Variants in PTPRQ observed in about 807,000 individuals in gnomAD.
PTPRQ encodes the protein protein tyrosine phosphatase receptor type Q.
In PTPRQ, 199 loss-of-function variants were observed where a neutral mutation model predicts 246.0. The observed-to-expected ratio is 0.81, with a 90% CI of 0.72 to 0.91. The LOEUF is 0.91. PTPRQ is among the 40% of genes least tolerant of loss of function. The pLI is 0.00. For synonymous variants in PTPRQ, 869 were observed against 853.2 expected (o/e 1.02, Z -0.32); for missense variants, 2,624 against 2,528.4 (o/e 1.04, Z -0.81).
rs1027357959 is a variant in PTPRQ at position 80,549,633 on chromosome 12, A to G, written c.4184A>G (p.Lys1395Arg). 106 of 1,551,084 alleles carry G rather than the reference A, an allele frequency of 6.8e-5. No individual in the cohort carries two copies. Among genetic ancestry groups the G allele is most frequent in the Admixed American group, 1.2e-4 (6 of 50,946 alleles). ...CAAGATCACATGTACACTTTCATAAAGCTTCTTGCCAATACCTCATATGTC... is the reference window on the plus strand; with the variant it reads ...CAAGATCACATGTACACTTTCATAAGGCTTCTTGCCAATACCTCATATGTC... ...SPQDHMYTFI[K>R]LLANTSYVFK... Residue 1395 changes from lysine to arginine, a missense_variant, in exon 25 of 45, where the codon AAG (lysine) becomes AGG (arginine). Coordinates refer to ENST00000644991, the MANE Select transcript of PTPRQ (RefSeq NM_001145026.2).
intron 42 of PTPRQ, among the ~76,000 whole-genome samples, chr12:80,672,035 G>C (rs959479767): frequency 6.6e-6 from 1 of 151,942 alleles, no homozygotes; most frequent in African/African-American, 2.4e-5. Context: ...CCTTATGCTA[G>C]TTTCTTTTCA....
At chr12:80,647,193 T>A (rs971635162) in intron 35 of PTPRQ, among the ~76,000 whole-genome samples, 6 of 152,190 alleles carry the variant, frequency 3.9e-5, no homozygotes, top group Non-Finnish European at 7.4e-5. Flanking sequence ...ATAGGTGGAC[T>A]ACTAGCCTGT....
At chr12:80,614,737 G>C (rs975240078) in intron 29 of PTPRQ, among the ~76,000 whole-genome samples, 14 of 150,804 alleles carry the variant, frequency 9.3e-5, no homozygotes, top group African/African-American at 2.9e-4. Flanking sequence ...ACTGGCGTCT[G>C]TGCCAGGGCA....
At chr12:80,468,105 A>G (rs1893499472) in intron 6 of PTPRQ, among the ~76,000 whole-genome samples, 1 of 152,204 alleles carries the variant, frequency 6.6e-6, no homozygotes, top group South Asian at 2.1e-4. Context: ...GAATTGTTTT[A>G]TTTCAATTAA....
chr12:80,619,452 A>G lies in PTPRQ; in HGVS notation c.5299A>G (p.Thr1767Ala). Reference protein sequence around the residue: ...DATGKLLVTSTTITIRMPICY... With the variant: ...DATGKLLVTSATITIRMPICY... ...CACAGGAAAACTGCTTGTGACTTCA[A>G]CAACAATTACAATCAGAATGCCAAT... Residue 1767 changes from threonine to alanine, a missense_variant, in exon 31 of 45, where the codon ACA (threonine) becomes GCA (alanine). Coordinates refer to ENST00000644991, the MANE Select transcript of PTPRQ (RefSeq NM_001145026.2). 1 of 1,548,478 alleles carries G rather than the reference A, an allele frequency of 6.5e-7. No homozygotes were observed. Among genetic ancestry groups the G allele is most frequent in the South Asian group, 1.2e-5 (1 of 83,890 alleles).
At chr12:80,533,522 T>A (rs1197201001) in intron 17 of PTPRQ, among the ~76,000 whole-genome samples, 1 of 152,026 alleles carries the variant, frequency 6.6e-6, no homozygotes, top group African/African-American at 2.4e-5. Flanking sequence ...ACAGCCTTGT[T>A]ATTTTACATA....
chr12:80,463,243 A>G (rs1161138979), intron 6 of PTPRQ, among the ~76,000 whole-genome samples: 5 of 152,232 alleles, frequency 3.3e-5, no homozygotes, highest in African/African-American at 4.8e-5. Context: ...GAGCCAATGC[A>G]ATCAACTGGG....
intron 34 of PTPRQ, among the ~76,000 whole-genome samples, chr12:80,632,852 G>A (rs969680258): frequency 1.3e-5 from 2 of 152,174 alleles, no homozygotes; most frequent in Admixed American, 1.3e-4. Flanking sequence ...TCCCATTCTT[G>A]CTGAATGGTG....
chr12:80,541,011 CTT>C (rs1247365209), intron 20 of PTPRQ, among the ~76,000 whole-genome samples: 5 of 151,952 alleles, frequency 3.3e-5, no homozygotes, highest in Admixed American at 1.3e-4. Flanking sequence ...AGTAGAGTAA[CTT>C]TGTAATGTAC....
At chr12:80,573,621 T>C (rs1350947470) in intron 25 of PTPRQ, among the ~76,000 whole-genome samples, 1 of 152,222 alleles carries the variant, frequency 6.6e-6, no homozygotes, top group Non-Finnish European at 1.5e-5. Context: ...ATTTTATATG[T>C]TATGTTTCCA....
intron 14 of PTPRQ, among the ~76,000 whole-genome samples, chr12:80,500,611 G>GT (rs1010276996): frequency 3.4e-4 from 51 of 152,088 alleles, no homozygotes; most frequent in African/African-American, 1.2e-3. Context: ...TAATTAAAGA[G>GT]TTTTTAAACC....
At chr12:80,545,533 C>T (rs1377633181) in intron 23 of PTPRQ, among the ~76,000 whole-genome samples, 4 of 151,954 alleles carry the variant, frequency 2.6e-5, no homozygotes, top group Admixed American at 2.0e-4. Context: ...ATCTTAGCTG[C>T]TTTCTTGGTT....
At chr12:80,465,876 A>G (rs985145120) in intron 6 of PTPRQ, among the ~76,000 whole-genome samples, 9 of 152,314 alleles carry the variant, frequency 5.9e-5, no homozygotes, top group African/African-American at 2.2e-4. Flanking sequence ...AGAGCTATCT[A>G]TGACAAACCC....
intron 43 of PTPRQ, among the ~76,000 whole-genome samples, chr12:80,676,606 C>G (rs912704537): frequency 6.6e-6 from 1 of 152,122 alleles, no homozygotes; most frequent in Admixed American, 6.6e-5. Flanking sequence ...TGCGCCATTG[C>G]ACTCCAACCT....
At chr12:80,504,510 T>C (rs1311102506) in intron 14 of PTPRQ, among the ~76,000 whole-genome samples, 1 of 151,934 alleles carries the variant, frequency 6.6e-6, no homozygotes, top group Non-Finnish European at 1.5e-5. Flanking sequence ...TGTGTGTGTG[T>C]GTTTTCTTTT....
At chr12:80,605,249 C>T (rs1440036962) in intron 27 of PTPRQ, 69 bp downstream of exon 27, 8 of 1,495,608 alleles carry the variant, frequency 5.3e-6, no homozygotes, top group Non-Finnish European at 7.1e-6. Context: ...TGGAACCAGA[C>T]TATTTGAATT....
At chr12:80,511,122 C>T (rs1565754838) in intron 17 of PTPRQ, among the ~76,000 whole-genome samples, 1 of 152,066 alleles carries the variant, frequency 6.6e-6, no homozygotes, top group Non-Finnish European at 1.5e-5. Flanking sequence ...ACAATTTACA[C>T]AATACTTCGT....
chr12:80,642,941 AAAAAAC>A (rs2121203428), intron 35 of PTPRQ, among the ~76,000 whole-genome samples: 1 of 150,516 alleles, frequency 6.6e-6, no homozygotes, highest in African/African-American at 2.4e-5. Flanking sequence ...AAAAAAAAAA[AAAAAAC>A]AATTGAGTAT....
At chr12:80,550,284 A>G in intron 25 of PTPRQ, among the ~76,000 whole-genome samples, 1 of 151,772 alleles carries the variant, frequency 6.6e-6, no homozygotes, top group South Asian at 2.1e-4. Context: ...CCTTCATCCT[A>G]TTTTCTTCCA....
Sources: allele counts gnomAD v4.1 joint callset (sites outside exome capture counted in the v4.1 genomes callset), GRCh38; gene constraint gnomAD v4.1.1; transcripts MANE v1.5; gene names NCBI Gene and HGNC (gene_info 2026-07-23, HGNC 2026-07-21).